The following MAP4K5 variants were observed in gnomAD, a reference collection of about 807,000 sequenced individuals.
MAP4K5 encodes mitogen-activated protein kinase kinase kinase kinase 5, also known as MAPK/ERK kinase kinase kinase 5.
A neutral mutation model predicts 135.6 loss-of-function variants in MAP4K5; 82 were observed. That is an observed-to-expected ratio of 0.60 (90% CI 0.51 to 0.73). The LOEUF (loss-of-function observed/expected upper bound fraction) is 0.73, where lower values mean the gene tolerates loss of function less well. Among genes scored for constraint, MAP4K5 ranks in the 30% least tolerant of loss-of-function variants. The probability of loss-of-function intolerance (pLI) is 0.00; values close to 1 mark genes in which losing one functional copy is unlikely to be tolerated. For synonymous variants in MAP4K5, 347 were observed against 335.0 expected (o/e 1.04, Z -0.39); for missense variants, 907 against 1,010.9 (o/e 0.90, Z 1.39).
At chr14:50,504,986 T>A (rs980588234) in intron 2 of MAP4K5, 129 bp from the exon 3 acceptor site, 1 of 555,552 alleles carries the variant, frequency 1.8e-6, no homozygotes, top group African/African-American at 2.0e-5. Flanking sequence ...ATATTTCCAA[T>A]AAAATGCTGA....
At chr14:50,560,421 G>T in intron 1 of MAP4K5, 1 of 1,310,028 alleles carries the variant, frequency 7.6e-7, no homozygotes, top group Middle Eastern at 1.8e-4. Flanking sequence ...CTGGGAGACG[G>T]GCCGTAGCCG....
intron 3 of MAP4K5, among the ~76,000 whole-genome samples, chr14:50,503,477 T>G (rs921833642): frequency 6.6e-5 from 10 of 152,112 alleles, no homozygotes; most frequent in Non-Finnish European, 1.5e-5. Context: ...ATATTTTAAG[T>G]AATCATACAC....
At chr14:50,522,125 T>C (rs1452174662) in intron 2 of MAP4K5, among the ~76,000 whole-genome samples, 1 of 152,106 alleles carries the variant, frequency 6.6e-6, no homozygotes, top group Non-Finnish European at 1.5e-5. Context: ...CTGTATTCTA[T>C]CCCATTTGTC....
At chr14:50,560,661 G>A (rs2140174013) in intron 1 of MAP4K5, among the ~76,000 whole-genome samples, 1 of 152,366 alleles carries the variant, frequency 6.6e-6, no homozygotes. Context: ...GGGTGGGCAG[G>A]GGGCTGTTGT....
chr14:50,495,921 T>C (rs1595512694), intron 3 of MAP4K5, among the ~76,000 whole-genome samples: 1 of 151,742 alleles, frequency 6.6e-6, no homozygotes. Context: ...CAGCAAAGAG[T>C]TGTTGTTGTT....
At chr14:50,504,732 G>A (rs1305567741) in intron 3 of MAP4K5, 68 bp downstream of exon 3, 27 of 1,131,198 alleles carry the variant, frequency 2.4e-5, no homozygotes, top group Non-Finnish European at 3.1e-5. Flanking sequence ...CTTCTTCTGG[G>A]AAGAAGGGAA....
At chr14:50,494,615 C>T (rs2037556439) in intron 3 of MAP4K5, among the ~76,000 whole-genome samples, 2 of 151,936 alleles carry the variant, frequency 1.3e-5, no homozygotes, top group Admixed American at 1.3e-4. Flanking sequence ...CTCTCCATAG[C>T]CAAAACAATT....
chr14:50,489,096 G>A (rs1021183554), intron 3 of MAP4K5, among the ~76,000 whole-genome samples: 9 of 152,166 alleles, frequency 5.9e-5, no homozygotes, highest in Non-Finnish European at 1.3e-4. Flanking sequence ...CCACTGAGAT[G>A]TGGCATAAAA....
intron 13 of MAP4K5, among the ~76,000 whole-genome samples, chr14:50,459,591 C>T (rs928486281): frequency 6.6e-6 from 1 of 152,142 alleles, no homozygotes. Flanking sequence ...TAAAGCCCAA[C>T]ATTTTAAATA....
intron 2 of MAP4K5, among the ~76,000 whole-genome samples, chr14:50,514,971 T>C (rs1020241465): frequency 6.6e-6 from 1 of 152,020 alleles, no homozygotes. Context: ...TGGCGTAATC[T>C]TGGCTCACTG....
At chr14:50,560,184 T>C in intron 1 of MAP4K5, 3 of 1,565,438 alleles carry the variant, frequency 1.9e-6, no homozygotes, top group Non-Finnish European at 2.6e-6. Flanking sequence ...GCACGGAGCC[T>C]CCCACCGCCA....
chr14:50,478,800 A>C (rs1163567934), intron 6 of MAP4K5, among the ~76,000 whole-genome samples: 2 of 152,090 alleles, frequency 1.3e-5, no homozygotes, highest in Non-Finnish European at 2.9e-5. Flanking sequence ...TTGTTTTTGA[A>C]AGAGATTTTC....
intron 1 of MAP4K5, among the ~76,000 whole-genome samples, chr14:50,558,217 G>A (rs900061364): frequency 1.1e-4 from 16 of 152,166 alleles, no homozygotes; most frequent in African/African-American, 3.9e-4. Context: ...AAAACAGCCA[G>A]GCGTGCTGGC....
intron 6 of MAP4K5, among the ~76,000 whole-genome samples, chr14:50,479,372 T>C (rs2037185568): frequency 6.6e-6 from 1 of 152,168 alleles, no homozygotes; most frequent in East Asian, 1.9e-4. Context: ...AATTCAAATA[T>C]ACGTTTTTTG....
intron 31 of MAP4K5, among the ~76,000 whole-genome samples, chr14:50,423,636 G>A (rs73286518): frequency 0.07 from 10,714 of 152,136 alleles, 564 homozygotes; most frequent in African/African-American, 0.15. Flanking sequence ...GGGCACAGTG[G>A]TGCATGCCTG....
intron 2 of MAP4K5, 55 bp from the exon 3 acceptor site, chr14:50,504,912 T>C (rs775298925): frequency 7.2e-6 from 8 of 1,112,800 alleles, no homozygotes; most frequent in Non-Finnish European, 1.0e-5. Flanking sequence ...TTAATTACAT[T>C]AAAATTACTT....
chr14:50,552,407 G>A (rs2038713855), intron 1 of MAP4K5, among the ~76,000 whole-genome samples: 1 of 152,144 alleles, frequency 6.6e-6, no homozygotes. Context: ...CTCATGAATA[G>A]GTAGAATCAA....
At chr14:50,431,666 G>A (rs1326170750) in intron 28 of MAP4K5, among the ~76,000 whole-genome samples, 2 of 151,684 alleles carry the variant, frequency 1.3e-5, no homozygotes, top group Non-Finnish European at 2.9e-5. Flanking sequence ...TGGACATTTG[G>A]GTTGGTTCCA....
At chr14:50,560,419 C>CG (rs2038823071) in intron 1 of MAP4K5, 1 of 1,326,306 alleles carries the variant, frequency 7.5e-7, no homozygotes, top group Admixed American at 2.0e-5. Context: ...GGCTGGGAGA[C>CG]GGGCCGTAGC....
Sources: allele counts gnomAD v4.1 joint callset (sites outside exome capture counted in the v4.1 genomes callset), GRCh38; gene constraint gnomAD v4.1.1; transcripts MANE v1.5; gene names NCBI Gene and HGNC (gene_info 2026-07-23, HGNC 2026-07-21).